Variants in MELK observed in about 807,000 individuals in gnomAD.
The protein encoded by MELK is maternal embryonic leucine zipper kinase.
MELK carries 81 observed loss-of-function variants against 85.0 expected under a neutral mutation model. That is an observed-to-expected ratio of 0.95 (90% CI 0.80 to 1.15). MELK has a LOEUF of 1.15. Among genes scored for constraint, MELK ranks in the 50% most tolerant of loss-of-function variants. The pLI, the probability that MELK is intolerant of heterozygous loss-of-function variation, is 0.00. For synonymous variants in MELK, 252 were observed against 265.0 expected (o/e 0.95, Z 0.48); for missense variants, 754 against 777.5 (o/e 0.97, Z 0.36).
At chr9:36,660,442 C>T (rs916210608) in intron 13 of MELK, among the ~76,000 whole-genome samples, 4 of 151,966 alleles carry the variant, frequency 2.6e-5, no homozygotes, top group Non-Finnish European at 4.4e-5. Context: ...CTCAGCCTCC[C>T]GAGTATCGGG....
chr9:36,599,458 T>C lies in MELK; in HGVS notation c.539T>C (p.Ile180Thr). 6.2e-7 allele frequency: 1 copy of C among 1,613,040 alleles called. No homozygotes were observed. Among genetic ancestry groups the C allele is most frequent in the Non-Finnish European group, 8.5e-7 (1 of 1,179,080 alleles). The change falls in exon 7 of 18, where the codon ATA becomes ACA. Residue 180 changes from isoleucine (I) to threonine (T), a missense_variant. By Grantham distance (89) the Ile-to-Thr change is moderately conservative. Transcript: ENST00000298048. ...GSLAYAAPEL[I>T]QGKSYLGSEA... ...CTGGCTTATGCAGCACCTGAGTTAA[T>C]ACAAGGCAAATCATATCTTGGATCA...
At chr9:36,670,531 G>A (rs575618539) in intron 15 of MELK, among the ~76,000 whole-genome samples, 1 of 151,306 alleles carries the variant, frequency 6.6e-6, no homozygotes, top group South Asian at 2.1e-4. Flanking sequence ...TAAATTTAAT[G>A]TATTATCTAC....
At chr9:36,588,474 G>A (rs1344046859) in intron 3 of MELK, among the ~76,000 whole-genome samples, 1 of 149,682 alleles carries the variant, frequency 6.7e-6, no homozygotes, top group South Asian at 2.1e-4. Context: ...CCACCTCCTG[G>A]GTTCAAGCAA....
chr9:36,665,302 T>G lies in MELK; in HGVS notation c.1177-48T>G, dbSNP rs770602490. The G allele has an allele frequency of 8.6e-6, 10 of 1,162,044 alleles. 1 individual carries two copies. The highest frequency in any genetic ancestry group is 4.8e-4 in the Middle Eastern group (2 of 4,144). The allele number at this position is 1,162,044 out of a possible 1,614,324, so 72.0% of individuals were successfully genotyped here. Reference sequence around the variant, plus strand: ...TGATCAAGGAATGTTGTAAAGAAATTGACTTTTCTTCTTCAGTGTGCTTTA... The same window carrying G: ...TGATCAAGGAATGTTGTAAAGAAATGGACTTTTCTTCTTCAGTGTGCTTTA... On this transcript the variant is annotated intron_variant, in intron 13 of 17. Coordinates refer to ENST00000298048, the MANE Select transcript of MELK (RefSeq NM_014791.4).
At chr9:36,591,473 C>CTGAG (rs1823563090) in intron 4 of MELK, among the ~76,000 whole-genome samples, 1 of 152,064 alleles carries the variant, frequency 6.6e-6, no homozygotes, top group African/African-American at 2.4e-5. Flanking sequence ...ACCTGGGAGG[C>CTGAG]TGAGGTAGGA....
intron 1 of MELK, among the ~76,000 whole-genome samples, chr9:36,575,775 C>G (rs954704640): frequency 6.6e-6 from 1 of 152,168 alleles, no homozygotes; most frequent in Non-Finnish European, 1.5e-5. Context: ...GAAGTGAATT[C>G]CAGCATCTTA....
intron 14 of MELK, 42 bp from the exon 15 acceptor site, chr9:36,669,268 G>A: frequency 7.6e-7 from 1 of 1,307,936 alleles, no homozygotes; most frequent in African/African-American, 1.5e-5. Context: ...CAGAACCATA[G>A]TATGTGCTGC....
At chr9:36,631,221 C>G (rs954780421) in intron 9 of MELK, among the ~76,000 whole-genome samples, 1 of 151,880 alleles carries the variant, frequency 6.6e-6, no homozygotes, top group African/African-American at 2.4e-5. Context: ...GCCTCGACCT[C>G]TCAAAATCCA....
chr9:36,669,311 T>A lies in MELK; in HGVS notation c.1410T>A (p.Ala470=), dbSNP rs377540320. The change falls in exon 15 of 18, where the codon GCT becomes GCA. Residue 470 remains alanine, a splice_region_variant and synonymous_variant. Transcript: ENST00000298048. The stretch of plus-strand genomic sequence containing the variant: ...TTGTGTTTGTTCTGTTTCTAATAGC[T>A]AGAAACCAGTGCCTGAAAGAAACTC... The part of the protein sequence containing the change: ...TPNRYTTPSK[A]RNQCLKETPI... The A allele has an allele frequency of 6.2e-7, 1 of 1,603,688 alleles. No homozygotes were observed. Among genetic ancestry groups the A allele is most frequent in the Non-Finnish European group, 8.5e-7 (1 of 1,173,950 alleles).
intron 8 of MELK, among the ~76,000 whole-genome samples, chr9:36,620,792 G>T (rs968395574): frequency 6.6e-6 from 1 of 151,336 alleles, no homozygotes; most frequent in Admixed American, 6.6e-5. Flanking sequence ...CTTGTGATCC[G>T]CCTGCCTTGG....
intron 10 of MELK, among the ~76,000 whole-genome samples, chr9:36,636,095 G>A (rs533886047): frequency 1.6e-4 from 25 of 152,042 alleles, no homozygotes; most frequent in Middle Eastern, 3.4e-3. Flanking sequence ...CCTTAAAAAT[G>A]CTTTTTTTCA....
intron 14 of MELK, 66 bp from the exon 15 acceptor site, chr9:36,669,244 A>T: frequency 9.8e-7 from 1 of 1,021,540 alleles, no homozygotes; most frequent in East Asian, 2.6e-5. Flanking sequence ...CATTATTATT[A>T]ATAATAGAAA....
intron 4 of MELK, among the ~76,000 whole-genome samples, chr9:36,591,971 T>G (rs117586242): frequency 0.043 from 6,600 of 152,012 alleles, 434 homozygotes; most frequent in East Asian, 0.25. Flanking sequence ...CAAAATCCTC[T>G]CTTTCCCCTA....
intron 11 of MELK, among the ~76,000 whole-genome samples, chr9:36,650,421 A>T (rs1477184017): frequency 6.6e-6 from 1 of 152,206 alleles, no homozygotes; most frequent in African/African-American, 2.4e-5. Context: ...AGATTCAGGA[A>T]GTTTTCAAAG....
At chr9:36,646,757 G>C (rs566069311) in intron 11 of MELK, among the ~76,000 whole-genome samples, 1 of 152,334 alleles carries the variant, frequency 6.6e-6, no homozygotes, top group South Asian at 2.1e-4. Context: ...AAGGCCTCAG[G>C]AGGAGGGTCA....
At chr9:36,641,140 G>T (rs566487168) in intron 10 of MELK, among the ~76,000 whole-genome samples, 2 of 152,172 alleles carry the variant, frequency 1.3e-5, no homozygotes, top group Non-Finnish European at 2.9e-5. Context: ...ACTAGAAAAC[G>T]GAAGACTTGC....
At chr9:36,670,930 TC>T in intron 15 of MELK, 67 bp from the exon 16 acceptor site, 1 of 1,480,544 alleles carries the variant, frequency 6.8e-7, no homozygotes, top group South Asian at 1.5e-5. Context: ...GGACAAAAGT[TC>T]ACCCTTGTGG....
chr9:36,596,357 G>A (rs1435456591), intron 5 of MELK, among the ~76,000 whole-genome samples: 13 of 152,024 alleles, frequency 8.6e-5, no homozygotes, highest in African/African-American at 1.7e-4. Context: ...CCGTGTTCAC[G>A]CCATTCTCCT....
Position 36,599,459 on chromosome 9 carries a change from A to T in MELK, c.540A>T (p.Ile180=), listed in dbSNP as rs771092591. The change falls in exon 7 of 18, where the codon ATA becomes ATT. Residue 180 remains isoleucine (I), a synonymous_variant. Transcript: ENST00000298048. The part of the protein sequence containing the change: ...GSLAYAAPEL[I]QGKSYLGSEA... The stretch of plus-strand genomic sequence containing the variant: ...TGGCTTATGCAGCACCTGAGTTAAT[A>T]CAAGGCAAATCATATCTTGGATCAG... 19 of 1,612,806 alleles carry T rather than the reference A, an allele frequency of 1.2e-5. No homozygotes were observed. Among genetic ancestry groups the T allele is most frequent in the Admixed American group, 1.2e-4 (7 of 59,974 alleles).
Sources: allele counts gnomAD v4.1 joint callset (sites outside exome capture counted in the v4.1 genomes callset), GRCh38; gene constraint gnomAD v4.1.1; transcripts MANE v1.5; gene names NCBI Gene and HGNC (gene_info 2026-07-23, HGNC 2026-07-21).